The following DNAH14 variants were observed in gnomAD, a reference collection of about 807,000 sequenced individuals.
DNAH14 encodes the protein axonemal beta dynein heavy chain 14.
DNAH14 carries 478 observed loss-of-function variants against 520.9 expected under a neutral mutation model. The ratio of observed to expected loss-of-function variants is 0.92; its 90% confidence interval spans 0.85 to 0.99. The LOEUF is 0.99. Among genes scored for constraint, DNAH14 ranks in the 50% least tolerant of loss-of-function variants. The probability of loss-of-function intolerance (pLI) is 0.00; values close to 1 mark genes in which losing one functional copy is unlikely to be tolerated. For synonymous variants in DNAH14, 1,581 were observed against 1,757.2 expected, an observed-to-expected ratio of 0.90 and a Z score of 2.51; for missense variants, 4,831 against 5,234.5, an observed-to-expected ratio of 0.92 and a Z score of 2.38.
intron 37 of DNAH14, among the ~76,000 whole-genome samples, chr1:225,188,106 A>G (rs1200269955): frequency 6.6e-6 from 1 of 151,872 alleles, no homozygotes; most frequent in Non-Finnish European, 1.5e-5. Context: ...TCCTTATACC[A>G]CAATAGATAT....
At chr1:224,999,706 A>G (rs1215339239) in intron 8 of DNAH14, among the ~76,000 whole-genome samples, 1 of 151,858 alleles carries the variant, frequency 6.6e-6, no homozygotes, top group Non-Finnish European at 1.5e-5. Context: ...TGATTTATCT[A>G]TAGTATTTTT....
chr1:225,196,366 G>A (rs2086129104), intron 38 of DNAH14, among the ~76,000 whole-genome samples: 1 of 152,112 alleles, frequency 6.6e-6, no homozygotes, highest in South Asian at 2.1e-4. Flanking sequence ...TATGGCTGTA[G>A]TATTCCATAG....
chr1:225,391,382 G>A (rs937332562), intron 83 of DNAH14, among the ~76,000 whole-genome samples: 22 of 152,150 alleles, frequency 1.4e-4, no homozygotes, highest in Non-Finnish European at 2.8e-4. Context: ...TGAGGCAGGA[G>A]GATTGCTTGA....
intron 73 of DNAH14, chr1:225,354,319 G>T (rs761289579): frequency 2.9e-6 from 2 of 697,140 alleles, no homozygotes; most frequent in African/African-American, 3.5e-5. Context: ...GCACATTTTT[G>T]CCTCATACCT....
chr1:225,157,346 G>A (rs941189955), intron 34 of DNAH14, among the ~76,000 whole-genome samples: 1 of 152,034 alleles, frequency 6.6e-6, no homozygotes, highest in Non-Finnish European at 1.5e-5. Context: ...CCAAAAAAGT[G>A]GTATGATGAA....
rs1293236848 is a variant in DNAH14 at position 225,399,136 on chromosome 1, A to G, written c.13721A>G (p.Glu4574Gly). 6.4e-7 allele frequency: 1 copy of G among 1,551,688 alleles called. No individual in the cohort carries two copies. Among genetic ancestry groups the G allele is most frequent in the Non-Finnish European group, 8.7e-7 (1 of 1,146,982 alleles). Residue 4574 changes from glutamate to glycine, a missense_variant, in exon 86 of 86, where the codon GAG becomes GGG. Transcript: ENST00000682510. Reference protein sequence around the residue: ...AFECPVYQTPERSRILATTGL... With the variant: ...AFECPVYQTPGRSRILATTGL... ...GAATGCCCAGTTTACCAGACACCTG[A>G]GAGGTCAAGAATTTTGGCAACTACC...
chr1:225,290,120 A>T, intron 55 of DNAH14, 38 bp downstream of exon 55: 1 of 1,323,578 alleles, frequency 7.6e-7, no homozygotes. Context: ...CTGAAGTTTG[A>T]TATCTATGTG....
At chr1:225,274,373 T>C (rs1354503317) in intron 52 of DNAH14, among the ~76,000 whole-genome samples, 2 of 151,578 alleles carry the variant, frequency 1.3e-5, no homozygotes, top group Non-Finnish European at 1.5e-5. Context: ...CCCGGCTAAT[T>C]TTTTTTGTAT....
intron 60 of DNAH14, among the ~76,000 whole-genome samples, chr1:225,316,909 T>TA (rs1339141050): frequency 6.6e-6 from 1 of 152,240 alleles, no homozygotes; most frequent in East Asian, 1.9e-4. Flanking sequence ...TATCATTTCC[T>TA]AAAAAATCTT....
chr1:225,010,678 T>C (rs1251953666), intron 10 of DNAH14, among the ~76,000 whole-genome samples: 1 of 152,180 alleles, frequency 6.6e-6, no homozygotes, highest in Non-Finnish European at 1.5e-5. Flanking sequence ...TGGTACCAGC[T>C]CCTCTTTGTA....
chr1:225,351,629 T>A lies in DNAH14; in HGVS notation c.11297-18T>A, dbSNP rs2095367577. 6.6e-7 allele frequency: 1 copy of A among 1,522,748 alleles called. No individual in the cohort carries two copies. The highest frequency in any genetic ancestry group is 1.4e-5 in the African/African-American group (1 of 71,966). 94.3% of individuals were successfully genotyped at this position (1,522,748 alleles called of 1,614,324 possible). A position where few individuals can be genotyped will look rare whatever the true frequency, so the allele number is the denominator to read the frequency against. On this transcript the variant is annotated intron_variant, in intron 71 of 85. Transcript: ENST00000682510. ...AGGTTTATCTCTTCTAATGTGATCA[T>A]CTTTCTTTTTTTATCAGGCACATTT...
At chr1:225,191,814 C>G (rs1195556565) in intron 37 of DNAH14, among the ~76,000 whole-genome samples, 6 of 151,736 alleles carry the variant, frequency 4.0e-5, no homozygotes, top group Non-Finnish European at 8.8e-5. Context: ...CTTTTTTTAT[C>G]TGCTTAAATC....
chr1:225,247,454 A>G (rs1243036440), intron 43 of DNAH14, among the ~76,000 whole-genome samples: 1 of 152,214 alleles, frequency 6.6e-6, no homozygotes, highest in African/African-American at 2.4e-5. Context: ...GTCACCATCA[A>G]AGAAAGAATT....
chr1:225,103,149 A>C (rs189815590), intron 23 of DNAH14, among the ~76,000 whole-genome samples: 8,901 of 152,136 alleles, frequency 0.059, 354 homozygotes, highest in Non-Finnish European at 0.079. Context: ...AATAGGGAAT[A>C]CTTTCCACAT....
chr1:225,360,398 GA>G (rs1217097918), intron 74 of DNAH14, among the ~76,000 whole-genome samples: 1 of 152,130 alleles, frequency 6.6e-6, no homozygotes, highest in African/African-American at 2.4e-5. Flanking sequence ...CAGCCATCTC[GA>G]ACAACACTGG....
At chr1:225,363,969 A>G (rs2095523621) in intron 75 of DNAH14, among the ~76,000 whole-genome samples, 1 of 152,218 alleles carries the variant, frequency 6.6e-6, no homozygotes, top group Non-Finnish European at 1.5e-5. Flanking sequence ...GGCTGGTTGA[A>G]TCCATGGATG....
intron 17 of DNAH14, among the ~76,000 whole-genome samples, chr1:225,065,029 A>G (rs1235470213): frequency 6.6e-6 from 1 of 151,966 alleles, no homozygotes; most frequent in Non-Finnish European, 1.5e-5. Context: ...ATTGGGGATA[A>G]TATTATTACC....
chr1:225,080,663 G>A lies in DNAH14; in HGVS notation c.3051G>A (p.Arg1017=), dbSNP rs2073014031. 1.3e-6 allele frequency: 2 copies of A among 1,551,876 alleles called. No homozygotes were observed. The highest frequency in any genetic ancestry group is 1.7e-6 in the Non-Finnish European group (2 of 1,146,996). Residue 1017 remains arginine (R), a synonymous_variant, in exon 19 of 86, where the codon AGG becomes AGA. Transcript: ENST00000682510. Reference sequence around the variant, plus strand: ...GGAAGCGAGCCTCTTGGGAATGGAGGAATAGTTCTCTTCAAAGTATTGATG... The same window carrying A: ...GGAAGCGAGCCTCTTGGGAATGGAGAAATAGTTCTCTTCAAAGTATTGATG... ...EEWKRASWEW[R]NSSLQSIDVE...
intron 17 of DNAH14, among the ~76,000 whole-genome samples, chr1:225,062,664 C>G (rs1013587877): frequency 2.0e-5 from 3 of 152,178 alleles, no homozygotes; most frequent in African/African-American, 4.8e-5. Context: ...GCAGAACAAT[C>G]TTTTGAAATC....
Sources: allele counts gnomAD v4.1 joint callset (sites outside exome capture counted in the v4.1 genomes callset), GRCh38; gene constraint gnomAD v4.1.1; transcripts MANE v1.5; gene names NCBI Gene and HGNC (gene_info 2026-07-23, HGNC 2026-07-21).